Variants in SSX2IP observed in about 807,000 individuals in gnomAD.
The protein encoded by SSX2IP is SSX family member 2 interacting protein, also known as afadin- and alpha-actinin-binding protein.
SSX2IP carries 55 observed loss-of-function variants against 84.9 expected under a neutral mutation model. The ratio of observed to expected loss-of-function variants is 0.65; its 90% CI spans 0.52 to 0.81. The LOEUF (loss-of-function observed/expected upper bound fraction) is 0.81. Among genes scored for constraint, SSX2IP ranks in the 30% least tolerant of loss-of-function variants. The pLI, the probability that SSX2IP is intolerant of heterozygous loss-of-function variation, is 0.00. For missense variants in SSX2IP, 664 were observed against 705.2 expected, an observed-to-expected ratio of 0.94 and a Z score of 0.66; for synonymous variants, 239 against 234.7, an observed-to-expected ratio of 1.02 and a Z score of -0.17.
chr1:84,672,492 G>A (rs1002265487), intron 1 of SSX2IP, among the ~76,000 whole-genome samples: 1 of 152,060 alleles, frequency 6.6e-6, no homozygotes, highest in African/African-American at 2.4e-5. Context: ...AGTCTGGGGT[G>A]CCAAAACTTT....
chr1:84,671,968 T>A (rs925183093), intron 1 of SSX2IP, among the ~76,000 whole-genome samples: 1 of 152,182 alleles, frequency 6.6e-6, no homozygotes, highest in African/African-American at 2.4e-5. Context: ...TATGTTTCCA[T>A]AGAAGAATGA....
chr1:84,687,261 A>G (rs576985211), intron 1 of SSX2IP, among the ~76,000 whole-genome samples: 1 of 152,358 alleles, frequency 6.6e-6, no homozygotes, highest in East Asian at 1.9e-4. Context: ...GTGTGAAGCA[A>G]GAGTTAAAAG....
At chr1:84,672,676 C>CA (rs2102456677) in intron 1 of SSX2IP, among the ~76,000 whole-genome samples, 1 of 152,324 alleles carries the variant, frequency 6.6e-6, no homozygotes, top group East Asian at 1.9e-4. Flanking sequence ...CAAGAGTTCA[C>CA]AACCACAGTT....
intron 9 of SSX2IP, among the ~76,000 whole-genome samples, chr1:84,657,611 G>A (rs1651312215): frequency 1.3e-5 from 2 of 152,098 alleles, no homozygotes; most frequent in Admixed American, 1.3e-4. Context: ...GTGGTGTTTG[G>A]TTACATGAAT....
At chr1:84,676,718 C>CTTTT (rs1491577246) in intron 1 of SSX2IP, among the ~76,000 whole-genome samples, 4 of 36,720 alleles carry the variant, frequency 1.1e-4, no homozygotes, top group Admixed American at 8.3e-4. Context: ...GTGCTCTTTT[C>CTTTT]CTTTTTTTTT....
intron 13 of SSX2IP, among the ~76,000 whole-genome samples, chr1:84,649,204 G>C (rs1649872408): frequency 6.6e-6 from 1 of 152,158 alleles, no homozygotes; most frequent in Non-Finnish European, 1.5e-5. Context: ...GTTAATAATT[G>C]CTGAACCTGA....
At chr1:84,678,519 A>G (rs149781835) in intron 1 of SSX2IP, among the ~76,000 whole-genome samples, 66 of 152,306 alleles carry the variant, frequency 4.3e-4, no homozygotes, top group African/African-American at 1.5e-3. Flanking sequence ...CACACTCTCA[A>G]GTACCACACA....
Position 84,655,969 on chromosome 1 carries a change from A to C in SSX2IP, c.1252T>G (p.Ser418Ala), listed in dbSNP as rs1399162497. Reference protein sequence around the residue: ...LATAYDDDTTSLLRDCYLLEE... With the variant: ...LATAYDDDTTALLRDCYLLEE... ...AACAAATAACAGTCTCGTAATAGTGAAGTGGTATCATCATCATATGCAGTA... is the reference window on the plus strand; with the variant it reads ...AACAAATAACAGTCTCGTAATAGTGCAGTGGTATCATCATCATATGCAGTA... The change falls in exon 11 of 14, where the codon TCA becomes GCA. Residue 418 changes from serine to alanine, a missense_variant. Coordinates refer to ENST00000342203, the MANE Select transcript of SSX2IP (RefSeq NM_001166293.2). 6.2e-7 allele frequency: 1 copy of C among 1,613,550 alleles called. No individual in the cohort carries two copies.
intron 11 of SSX2IP, 75 bp downstream of exon 11, chr1:84,655,757 G>A: frequency 1.3e-6 from 2 of 1,507,422 alleles, no homozygotes; most frequent in South Asian, 1.3e-5. Context: ...AAGAAAAAAA[G>A]GAGACCTTAG....
intron 13 of SSX2IP, among the ~76,000 whole-genome samples, chr1:84,648,561 T>C (rs1174714762): frequency 6.6e-6 from 1 of 152,210 alleles, no homozygotes; most frequent in Non-Finnish European, 1.5e-5. Context: ...AAGAAATGTT[T>C]ATGTCAAATA....
Position 84,646,155 on chromosome 1 carries a change from T to C in SSX2IP, c.*1278A>G, listed in dbSNP as rs1372733741. The C allele has an allele frequency of 3.3e-5, 5 of 152,442 alleles. No individual in the cohort carries two copies. Among genetic ancestry groups the C allele is most frequent in the African/African-American group, 7.3e-5 (3 of 41,366 alleles). The allele number at this position is 152,442 out of a possible 1,614,324, so 9.4% of individuals were successfully genotyped here. Reference sequence around the variant, plus strand: ...CCTAAACTATGATACCTAGCAAGGGTTGGATCTGTGCAGGCTTCTATGTAC... The same window carrying C: ...CCTAAACTATGATACCTAGCAAGGGCTGGATCTGTGCAGGCTTCTATGTAC... On this transcript the variant is annotated 3_prime_UTR_variant, in exon 14 of 14. Coordinates refer to ENST00000342203, the MANE Select transcript of SSX2IP (RefSeq NM_001166293.2).
intron 11 of SSX2IP, chr1:84,655,598 G>A: frequency 1.4e-6 from 2 of 1,469,420 alleles, no homozygotes; most frequent in South Asian, 1.2e-5. Context: ...TCTGAAAGCA[G>A]TAATAAATGC....
intron 8 of SSX2IP, among the ~76,000 whole-genome samples, chr1:84,658,964 A>G (rs1277042358): frequency 6.9e-6 from 1 of 145,024 alleles, no homozygotes; most frequent in African/African-American, 2.5e-5. Context: ...ACTTTTTTAT[A>G]TAACGGGAGA....
At chr1:84,665,687 T>A (rs1347414314) in intron 5 of SSX2IP, among the ~76,000 whole-genome samples, 4 of 152,208 alleles carry the variant, frequency 2.6e-5, no homozygotes, top group Non-Finnish European at 5.9e-5. Flanking sequence ...GAACTGCTTC[T>A]GTGCCCATTT....
chr1:84,672,277 A>G (rs1425886981), intron 1 of SSX2IP, among the ~76,000 whole-genome samples: 1 of 152,186 alleles, frequency 6.6e-6, no homozygotes, highest in Non-Finnish European at 1.5e-5. Context: ...AATACTGTGG[A>G]CAGCTGCTTC....
In SSX2IP at chr1:84,644,304, T is replaced by C. The variant is rs915147735; in HGVS notation, c.*3129A>G. The C allele has an allele frequency of 2.0e-5, 3 of 152,204 alleles. No homozygotes were observed. Among genetic ancestry groups the C allele is most frequent in the Non-Finnish European group, 4.4e-5 (3 of 68,030 alleles). The allele number at this position is 152,204 out of a possible 1,614,324, so 9.4% of individuals were successfully genotyped here. On this transcript the variant is annotated 3_prime_UTR_variant, in exon 14 of 14. Coordinates refer to ENST00000342203, the MANE Select transcript of SSX2IP (RefSeq NM_001166293.2). ...CTGAATGTGTCCGTAGCATCCACCA[T>C]TGTTTATTACAATGTAGGTTTAATA...
chr1:84,660,895 C>CAAA (rs11362631), intron 8 of SSX2IP, among the ~76,000 whole-genome samples: 51 of 98,008 alleles, frequency 5.2e-4, no homozygotes, highest in Admixed American at 1.3e-3. Flanking sequence ...TACTAAAATA[C>CAAA]AAAAAAAAAA....
rs1306047631 is a variant in SSX2IP, at chr1:84,644,437, C to CT, written c.*2995dup. ...AGTAAGCCTTGACATACAGCAGGTA[C>CT]TTAATAAATGCTTACCAAAAGACTG... On this transcript the variant is annotated 3_prime_UTR_variant, in exon 14 of 14. Transcript: ENST00000342203. 3 of 152,124 alleles carry CT rather than the reference C, an allele frequency of 2.0e-5. No individual in the cohort carries two copies. The highest frequency in any genetic ancestry group is 1.5e-5 in the Non-Finnish European group (1 of 68,022). The allele number at this position is 152,124 out of a possible 1,614,324, so 9.4% of individuals were successfully genotyped here. A position where few individuals can be genotyped will look rare whatever the true frequency, so the allele number is the denominator to read the frequency against.
chr1:84,658,240 G>A (rs1370815245), intron 9 of SSX2IP, 78 bp downstream of exon 9: 5 of 1,543,336 alleles, frequency 3.2e-6, no homozygotes, highest in East Asian at 2.3e-5. Flanking sequence ...AGCCTATAAT[G>A]CGGCTTTCTA....
Sources: gnomAD v4.1 joint callset for allele counts (sites outside exome capture counted in the v4.1 genomes callset) on GRCh38, gnomAD v4.1.1 for gene constraint, MANE v1.5 for transcripts, NCBI Gene and HGNC (gene_info 2026-07-23, HGNC 2026-07-21) for gene names.